TRDN: variants seen among roughly 807,000 people sequenced by gnomAD.
TRDN encodes triadin.
Under a neutral mutation model 149.7 loss-of-function variants are expected in TRDN, and 161 were observed. That is an observed-to-expected ratio of 1.08 (90% CI 0.95 to 1.23). TRDN has a LOEUF of 1.23. Ranked by LOEUF, TRDN falls within the 50% of genes most tolerant of loss-of-function variation. TRDN has a pLI of 0.00. For synonymous variants in TRDN, 294 were observed against 250.5 expected (o/e 1.17, Z -1.64); for missense variants, 896 against 823.5 (o/e 1.09, Z -1.08).
chr6:123,498,434 C>A (rs970763364), intron 8 of TRDN: 10 of 374,664 alleles, frequency 2.7e-5, no homozygotes, highest in Admixed American at 9.8e-5. Flanking sequence ...AAAATATAAT[C>A]TTTTTCATTA....
In TRDN at chr6:123,551,205, T is replaced by G. The variant is rs554375640; in HGVS notation, c.233-2593A>C. On this transcript the variant is annotated intron_variant, in intron 2 of 40. Coordinates refer to ENST00000334268, the MANE Select transcript of TRDN (RefSeq NM_006073.4). ...AAATGCACTGTATGTATTTTGCAGA[T>G]ATATATATATATATATATTGCCTGG... 2.6e-3 allele frequency among the ~76,000 whole-genome samples: 77 copies of G among 29,964 alleles called. 1 individual carries two copies. The East Asian group carries it at 0.36, about 138-fold the overall frequency. 19.7% of individuals were successfully genotyped at this position (29,964 alleles called of 152,430 possible). A position where few individuals can be genotyped will look rare whatever the true frequency, so the allele number is the denominator to read the frequency against.
intron 5 of TRDN, among the ~76,000 whole-genome samples, chr6:123,521,807 A>T (rs1779695383): frequency 1.3e-5 from 2 of 152,044 alleles, no homozygotes; most frequent in Admixed American, 6.6e-5. Flanking sequence ...AGACAGACTT[A>T]CTCAACAACT....
chr6:123,267,298 TG>T (rs1343151651), intron 32 of TRDN, among the ~76,000 whole-genome samples: 1 of 151,954 alleles, frequency 6.6e-6, no homozygotes, highest in African/African-American at 2.4e-5. Context: ...ACTTTTAGAA[TG>T]GGGTAACTTC....
At chr6:123,479,650 G>C (rs759751139) in intron 9 of TRDN, among the ~76,000 whole-genome samples, 1 of 152,126 alleles carries the variant, frequency 6.6e-6, no homozygotes, top group African/African-American at 2.4e-5. Flanking sequence ...CCAGTGCAGT[G>C]CTCTTATACA....
At chr6:123,455,334 T>C (rs1285194679) in intron 10 of TRDN, among the ~76,000 whole-genome samples, 1 of 152,078 alleles carries the variant, frequency 6.6e-6, no homozygotes, top group African/African-American at 2.4e-5. Flanking sequence ...ATGGGTTGTG[T>C]TTATATAGCT....
At chr6:123,229,561 G>A (rs1775519028) in intron 38 of TRDN, among the ~76,000 whole-genome samples, 1 of 151,930 alleles carries the variant, frequency 6.6e-6, no homozygotes, top group African/African-American at 2.4e-5. Context: ...CTGTTCTGCA[G>A]CCATGGGTCA....
Position 123,570,959 on chromosome 6 carries a change from C to G in TRDN, c.196G>C (p.Val66Leu). Residue 66 changes from valine to leucine, a missense_variant, in exon 2 of 41, where the codon GTT becomes CTT. By Grantham distance (32) the Val-to-Leu change is conservative (BLOSUM62 1). Transcript: ENST00000334268. The part of the protein sequence containing the change: ...LIITWSAVAI[V>L]MFDLVDYKNF... ...TTGTAATCCACTAAATCAAACATAACGATGGCAACAGCTGACCACGTGATT... is the reference window on the plus strand; with the variant it reads ...TTGTAATCCACTAAATCAAACATAAGGATGGCAACAGCTGACCACGTGATT... 1 of 1,613,846 alleles carries G rather than the reference C, an allele frequency of 6.2e-7. No homozygotes were observed. Among genetic ancestry groups the G allele is most frequent in the Non-Finnish European group, 8.5e-7 (1 of 1,179,844 alleles).
intron 21 of TRDN, among the ~76,000 whole-genome samples, chr6:123,345,522 T>A (rs1017988667): frequency 1.3e-5 from 2 of 152,028 alleles, no homozygotes; most frequent in Non-Finnish European, 2.9e-5. Flanking sequence ...CATTTTCCAG[T>A]GCTGTGTTGG....
At chr6:123,576,879 A>C (rs1417983907) in intron 1 of TRDN, among the ~76,000 whole-genome samples, 1 of 152,106 alleles carries the variant, frequency 6.6e-6, no homozygotes, top group Non-Finnish European at 1.5e-5. Context: ...AGTGGGTGGC[A>C]ATTTAGGGCT....
intron 27 of TRDN, among the ~76,000 whole-genome samples, chr6:123,273,635 T>C (rs901612591): frequency 6.6e-6 from 1 of 152,066 alleles, no homozygotes; most frequent in African/African-American, 2.4e-5. Flanking sequence ...AAGGCTGTTA[T>C]GATCCTTAAT....
chr6:123,604,105 C>T (rs988044923), intron 1 of TRDN, among the ~76,000 whole-genome samples: 3 of 152,158 alleles, frequency 2.0e-5, no homozygotes, highest in Admixed American at 6.6e-5. Flanking sequence ...ATATTGAGTG[C>T]TTACCGCGAC....
intron 24 of TRDN, among the ~76,000 whole-genome samples, chr6:123,287,602 AG>A (rs1183449492): frequency 6.6e-6 from 1 of 152,170 alleles, no homozygotes; most frequent in African/African-American, 2.4e-5. Flanking sequence ...AATTAGAGTC[AG>A]AGAGAAAGTT....
intron 1 of TRDN, among the ~76,000 whole-genome samples, chr6:123,613,185 CA>C (rs2114685604): frequency 6.6e-6 from 1 of 152,174 alleles, no homozygotes; most frequent in South Asian, 2.1e-4. Flanking sequence ...TATTGTGTGC[CA>C]ACAGTATCCT....
intron 5 of TRDN, among the ~76,000 whole-genome samples, chr6:123,524,581 T>C (rs1012110163): frequency 1.3e-5 from 2 of 152,158 alleles, no homozygotes; most frequent in African/African-American, 4.8e-5. Flanking sequence ...AACTGTGTCC[T>C]ATTGTCAAGG....
intron 14 of TRDN, among the ~76,000 whole-genome samples, chr6:123,385,434 AG>A (rs1562288791): frequency 2.9e-5 from 4 of 140,102 alleles, no homozygotes; most frequent in African/African-American, 2.7e-5. Context: ...AAAAAAAAAA[AG>A]AAAAAAAAAA....
At chr6:123,507,522 G>T (rs984044137) in intron 7 of TRDN, among the ~76,000 whole-genome samples, 1 of 152,026 alleles carries the variant, frequency 6.6e-6, no homozygotes, top group African/African-American at 2.4e-5. Context: ...CAATGATGTG[G>T]CTATAATAAA....
At chr6:123,285,129 C>A (rs995161706) in intron 24 of TRDN, among the ~76,000 whole-genome samples, 1 of 151,890 alleles carries the variant, frequency 6.6e-6, no homozygotes, top group Non-Finnish European at 1.5e-5. Context: ...AAGCAATCTA[C>A]AAATTCAGTT....
In TRDN at chr6:123,246,622, G is replaced by A. The variant is rs190965378; in HGVS notation, c.1975+5790C>T. 8.3e-4 allele frequency among the ~76,000 whole-genome samples: 126 copies of A among 151,584 alleles called. 1 individual carries two copies. Among genetic ancestry groups the A allele is most frequent in the African/African-American group, 2.8e-3 (116 of 41,352 alleles). ...TATCAACCAAAAAAAAAAGGCCCAC[G>A]AGCAGATGGATTCACAGCCAAGTTC... On this transcript the variant is annotated intron_variant, in intron 38 of 40. Coordinates refer to ENST00000334268, the MANE Select transcript of TRDN (RefSeq NM_006073.4).
chr6:123,482,136 CAA>C (rs1296188083), intron 9 of TRDN, among the ~76,000 whole-genome samples: 1 of 151,838 alleles, frequency 6.6e-6, no homozygotes, highest in Non-Finnish European at 1.5e-5. Flanking sequence ...ACAAGAAATT[CAA>C]AGAGACATGA....
Sources: allele counts gnomAD v4.1 joint callset (sites outside exome capture counted in the v4.1 genomes callset), GRCh38; gene constraint gnomAD v4.1.1; transcripts MANE v1.5; gene names NCBI Gene and HGNC (gene_info 2026-07-23, HGNC 2026-07-21).